The following NASP variants were observed in gnomAD, a reference collection of about 807,000 sequenced individuals.
The protein encoded by NASP is NASP histone chaperone.
Under a neutral mutation model 89.5 loss-of-function variants are expected in NASP, and 24 were observed. That is an observed-to-expected ratio of 0.27 (90% confidence interval 0.19 to 0.38). The LOEUF (loss-of-function observed/expected upper bound fraction) is 0.38, where lower values mean the gene tolerates loss of function less well. Ranked by LOEUF, NASP falls within the 10% of genes least tolerant of loss-of-function variation. The pLI is 1.00. For synonymous variants in NASP, 306 were observed against 324.7 expected (o/e 0.94, Z 0.62); for missense variants, 848 against 921.4 (o/e 0.92, Z 1.03).
intron 1 of NASP, among the ~76,000 whole-genome samples, chr1:45,587,348 G>A (rs1465867465): frequency 6.6e-6 from 1 of 151,728 alleles, no homozygotes; most frequent in Admixed American, 6.6e-5. Context: ...CACCACACCT[G>A]GCTAATTTTT....
At chr1:45,606,982 C>T (rs943823568) in intron 5 of NASP, among the ~76,000 whole-genome samples, 5 of 151,906 alleles carry the variant, frequency 3.3e-5, no homozygotes, top group East Asian at 1.9e-4. Flanking sequence ...TTTATGTGTG[C>T]GAAAATTATA....
chr1:45,618,178 T>G lies in NASP; in HGVS notation c.*37T>G, dbSNP rs752950017. 1.2e-5 allele frequency: 18 copies of G among 1,485,110 alleles called. No homozygotes were observed. The African/African-American group carries it at 2.4e-4, about 20-fold the overall frequency. 92.0% of individuals were successfully genotyped at this position (1,485,110 alleles called of 1,614,324 possible). A position where few individuals can be genotyped will look rare whatever the true frequency, so the allele number is the denominator to read the frequency against. ...GCCCTCCTCCCAAGGGAAAGTGTTT[T>G]TGTATATAATGTATTTTTTCACTTT... is the stretch of plus-strand genomic sequence containing the variant. On this transcript the variant is annotated 3_prime_UTR_variant, in exon 15 of 15. Transcript: ENST00000350030.
chr1:45,594,865 A>C, intron 2 of NASP: 1 of 324,252 alleles, frequency 3.1e-6, no homozygotes, highest in Admixed American at 3.3e-5. Flanking sequence ...GTTGGAAAAC[A>C]CATTATTAGT....
intron 2 of NASP, among the ~76,000 whole-genome samples, chr1:45,592,143 C>T (rs1444969456): frequency 6.6e-6 from 1 of 152,172 alleles, no homozygotes; most frequent in Non-Finnish European, 1.5e-5. Flanking sequence ...TGCCACTACA[C>T]CCAGCTAATT....
intron 13 of NASP, 76 bp from the exon 14 acceptor site, chr1:45,617,387 G>A (rs1162052509): frequency 1.6e-5 from 24 of 1,523,748 alleles, no homozygotes; most frequent in Non-Finnish European, 2.0e-5. Context: ...CACCACAAGG[G>A]TTAAGGAAAT....
chr1:45,590,568 GAAAA>G (rs1643516203), intron 1 of NASP, among the ~76,000 whole-genome samples: 1 of 139,660 alleles, frequency 7.2e-6, no homozygotes, highest in Non-Finnish European at 1.6e-5. Context: ...AAAAAAAAAA[GAAAA>G]GAAATTTATC....
chr1:45,599,344 T>G (rs1643778112), intron 2 of NASP, among the ~76,000 whole-genome samples: 1 of 152,156 alleles, frequency 6.6e-6, no homozygotes, highest in Non-Finnish European at 1.5e-5. Context: ...TGGGCTCAAG[T>G]GATCCTCCCA....
intron 2 of NASP, among the ~76,000 whole-genome samples, chr1:45,593,401 C>T (rs942647092): frequency 6.6e-6 from 1 of 151,560 alleles, no homozygotes; most frequent in East Asian, 1.9e-4. Context: ...AGCGTGGTGG[C>T]GGGCGCCTAT....
In NASP at chr1:45,607,815, C is replaced by A. The variant is rs1182950195; in HGVS notation, c.904C>A (p.Pro302Thr). 5.0e-6 allele frequency: 8 copies of A among 1,613,912 alleles called. No homozygotes were observed. The highest frequency in any genetic ancestry group is 6.8e-6 in the Non-Finnish European group (8 of 1,180,000). Residue 302 changes from proline to threonine, a missense_variant, in exon 6 of 15, where the codon CCG becomes ACG. Physicochemically the swap from Pro to Thr is conservative, Grantham distance 38. This residue lies in a region of NASP where 464 missense variants were observed against 469.4 expected (regional missense o/e 0.99). Transcript: ENST00000350030. ...AVEVEAESLD[P>T]TVKPVDVGGD... is the part of the protein sequence containing the mutation. Reference sequence around the variant, plus strand: ...GGAGGTAGAAGCAGAGTCTTTAGACCCGACAGTCAAGCCAGTGGATGTGGG... The same window carrying A: ...GGAGGTAGAAGCAGAGTCTTTAGACACGACAGTCAAGCCAGTGGATGTGGG...
At chr1:45,616,766 C>T in intron 13 of NASP, 63 bp downstream of exon 13, 1 of 1,432,490 alleles carries the variant, frequency 7.0e-7, no homozygotes, top group Non-Finnish European at 9.8e-7. Context: ...AATCCCTTTC[C>T]TATAAACCCC....
chr1:45,616,765 C>T, intron 13 of NASP, 62 bp downstream of exon 13: 1 of 1,429,666 alleles, frequency 7.0e-7, no homozygotes, highest in Non-Finnish European at 9.9e-7. Context: ...TAATCCCTTT[C>T]CTATAAACCC....
At chr1:45,584,771 C>T (rs1342744273) in intron 1 of NASP, among the ~76,000 whole-genome samples, 2 of 152,170 alleles carry the variant, frequency 1.3e-5, no homozygotes, top group Admixed American at 6.5e-5. Context: ...CTTGAGGAGG[C>T]GGGAAAACTC....
At position 45,618,043 on chromosome 1, in the gene NASP, G is replaced by C; in HGVS notation, c.2287-18G>C. 1.3e-6 allele frequency: 2 copies of C among 1,589,878 alleles called. No individual in the cohort carries two copies. Among genetic ancestry groups the C allele is most frequent in the East Asian group, 4.6e-5 (2 of 43,936 alleles). On this transcript the variant is annotated intron_variant, in intron 14 of 14. Coordinates refer to ENST00000350030, the MANE Select transcript of NASP (RefSeq NM_002482.4). Reference sequence around the variant, plus strand: ...TTAAACTAGGCTCACTCATGCCCAGGTTCTGTTTGTCTTCCAGGCTGAGAA... The same window carrying C: ...TTAAACTAGGCTCACTCATGCCCAGCTTCTGTTTGTCTTCCAGGCTGAGAA...
intron 9 of NASP, 86 bp downstream of exon 9, chr1:45,614,452 C>G: frequency 2.8e-6 from 3 of 1,087,206 alleles, no homozygotes; most frequent in Non-Finnish European, 4.2e-6. Context: ...CGAACTTGAT[C>G]TTTAAAAAGA....
rs776910772 is a variant in NASP, at chr1:45,615,185, C to T, written c.1839C>T (p.Val613=). 2.5e-6 allele frequency: 4 copies of T among 1,613,916 alleles called. No homozygotes were observed. Among genetic ancestry groups the T allele is most frequent in the African/African-American group, 1.3e-5 (1 of 74,890 alleles). ...AVAQFSKSIE[V]IENRMAVLNE... The stretch of plus-strand genomic sequence containing the variant: ...CACAGTTCAGCAAATCTATTGAAGT[C>T]ATTGAGAACAGAATGGGTGAGTGAA... Residue 613 remains valine, a synonymous_variant, in exon 10 of 15, where the codon GTC becomes GTT. Coordinates refer to ENST00000350030, the MANE Select transcript of NASP (RefSeq NM_002482.4).
At position 45,615,171 on chromosome 1, in the gene NASP, A is replaced by G; in HGVS notation, c.1825A>G (p.Lys609Glu). ...TGATGAGGCAGTGGCACAGTTCAGC[A>G]AATCTATTGAAGTCATTGAGAACAG... The part of the protein sequence containing the change: ...QYDEAVAQFS[K>E]SIEVIENRMA... Residue 609 changes from lysine to glutamate, a missense_variant, in exon 10 of 15, where the codon AAA becomes GAA. Around this residue, in one of 5 missense-constraint regions of NASP, gnomAD observed 218 missense variants for 219.6 expected, o/e 0.99. Transcript: ENST00000350030. 6.2e-7 allele frequency: 1 copy of G among 1,614,214 alleles called. No homozygotes were observed. Among genetic ancestry groups the G allele is most frequent in the Non-Finnish European group, 8.5e-7 (1 of 1,180,046 alleles).
Position 45,606,572 on chromosome 1 carries a change from A to G in NASP, c.390A>G (p.Glu130=). 6.2e-7 allele frequency: 1 copy of G among 1,603,990 alleles called. No homozygotes were observed. The change falls in exon 5 of 15, where the codon GAA becomes GAG. Residue 130 remains glutamate (E), a synonymous_variant. Coordinates refer to ENST00000350030, the MANE Select transcript of NASP (RefSeq NM_002482.4). Reference sequence around the variant, plus strand: ...AAACAGAAGATGAATCTCTGGTAGAAAATAATGATAACATAGATGGTATGT... The same window carrying G: ...AAACAGAAGATGAATCTCTGGTAGAGAATAATGATAACATAGATGGTATGT... ...GEKTEDESLV[E]NNDNIDEEAR... is the part of the protein sequence containing the mutation.
intron 1 of NASP, among the ~76,000 whole-genome samples, chr1:45,590,759 GT>G (rs1474238081): frequency 2.8e-5 from 4 of 143,830 alleles, no homozygotes; most frequent in Non-Finnish European, 6.0e-5. Flanking sequence ...AAACCTGTGT[GT>G]TATAGAAGGT....
intron 2 of NASP, among the ~76,000 whole-genome samples, chr1:45,601,116 CTTTT>C (rs1338273760): frequency 1.3e-5 from 2 of 151,996 alleles, no homozygotes; most frequent in Admixed American, 6.6e-5. Flanking sequence ...TTGGGCCTGC[CTTTT>C]TTGTTTTTAT....
Sources: gnomAD v4.1 joint callset for allele counts (sites outside exome capture counted in the v4.1 genomes callset) on GRCh38, gnomAD v4.1.1 for gene constraint, gnomAD v4.1.1 regional missense constraint, MANE v1.5 for transcripts, NCBI Gene and HGNC (gene_info 2026-07-23, HGNC 2026-07-21) for gene names.